The following HSDL1 variants were observed in gnomAD, a reference collection of about 807,000 sequenced individuals.
HSDL1 encodes hydroxysteroid dehydrogenase like 1.
A neutral mutation model predicts 31.5 loss-of-function variants in HSDL1; 29 were observed. The observed-to-expected ratio is 0.92, with a 90% confidence interval of 0.69 to 1.26. The LOEUF is 1.26. Ranked by LOEUF, HSDL1 falls within the 50% of genes most tolerant of loss-of-function variation. The pLI is 0.00. For missense variants in HSDL1, 503 were observed against 416.6 expected (o/e 1.21, Z -1.81); for synonymous variants, 222 against 155.2 (o/e 1.43, Z -3.20).
At chr16:84,128,827 C>T (rs1230239161) in intron 5 of HSDL1, among the ~76,000 whole-genome samples, 1 of 151,970 alleles carries the variant, frequency 6.6e-6, no homozygotes, top group Non-Finnish European at 1.5e-5. Context: ...CCTGCCTCAG[C>T]CTCCCAAGTA....
chr16:84,140,451 G>A (rs951287323), intron 1 of HSDL1, among the ~76,000 whole-genome samples: 2 of 152,060 alleles, frequency 1.3e-5, no homozygotes, highest in African/African-American at 2.4e-5. Context: ...TTTTAGTAGA[G>A]ATGGGGTTTC....
At position 84,122,988 on chromosome 16, in the gene HSDL1, CAT is replaced by C. The variant is rs1194214318; in HGVS notation, c.*1640_*1641del. ...ATATAACTACCTGACCATATTTTCA[CAT>C]GAAGTTGCTGCTGCTTATTATACAT... is the stretch of plus-strand genomic sequence containing the variant. On this transcript the variant is annotated 3_prime_UTR_variant, in exon 6 of 6. Coordinates refer to ENST00000219439, the MANE Select transcript of HSDL1 (RefSeq NM_031463.5). 6.6e-6 allele frequency: 1 copy of C among 152,230 alleles called. No individual in the cohort carries two copies. The highest frequency in any genetic ancestry group is 1.5e-5 in the Non-Finnish European group (1 of 68,048). 9.4% of individuals were successfully genotyped at this position (152,230 alleles called of 1,614,324 possible). A position where few individuals can be genotyped will look rare whatever the true frequency, so the allele number is the denominator to read the frequency against.
Position 84,130,112 on chromosome 16 carries a change from G to A in HSDL1, c.540C>T (p.Ala180=), listed in dbSNP as rs530037380. 25 of 1,614,068 alleles carry A rather than the reference G, an allele frequency of 1.5e-5. No homozygotes were observed. Among genetic ancestry groups the A allele is most frequent in the African/African-American group, 8.0e-5 (6 of 74,998 alleles). ...ACACAACATGGACCATCAAACTAGC[G>A]GCGGCAATGTTCACATTTATGATGT... ...LWDIINVNIA[A]ASLMVHVVLP... The change falls in exon 4 of 6, where the codon GCC becomes GCT. Residue 180 remains alanine, a synonymous_variant. Transcript: ENST00000219439.
chr16:84,124,711 A>C lies in HSDL1; in HGVS notation c.912T>G (p.Tyr304Ter). 2 of 1,613,308 alleles carry C rather than the reference A, an allele frequency of 1.2e-6. No individual in the cohort carries two copies. The highest frequency in any genetic ancestry group is 1.7e-6 in the Non-Finnish European group (2 of 1,179,236). The change falls in exon 6 of 6, where the codon TAT becomes TAG. Residue 304 changes from tyrosine to a stop codon, truncating the protein, a stop_gained. Coordinates refer to ENST00000219439, the MANE Select transcript of HSDL1 (RefSeq NM_031463.5). LOFTEE classifies it high-confidence loss of function. Reference protein sequence around the residue: ...SHSIQFLFAQYMPEWLWVWGA... With the variant: ...SHSIQFLFAQ The stretch of plus-strand genomic sequence containing the variant: ...CCCACACCCAGAGCCATTCAGGCAT[A>C]TACTGTGCAAAAAGAAACTAAAAAT...
chr16:84,134,880 T>C (rs889705888), intron 2 of HSDL1, among the ~76,000 whole-genome samples: 8 of 152,346 alleles, frequency 5.3e-5, no homozygotes, highest in African/African-American at 1.9e-4. Flanking sequence ...ATTAAGCTTA[T>C]TCTTCTAATA....
At chr16:84,127,332 C>T (rs1446990335) in intron 5 of HSDL1, among the ~76,000 whole-genome samples, 1 of 150,586 alleles carries the variant, frequency 6.6e-6, no homozygotes, top group Non-Finnish European at 1.5e-5. Context: ...TCTCATGCCT[C>T]AGACTCCCAG....
chr16:84,136,496 C>T (rs779360724), intron 1 of HSDL1, among the ~76,000 whole-genome samples: 4 of 152,258 alleles, frequency 2.6e-5, no homozygotes, highest in Non-Finnish European at 5.9e-5. Context: ...AGGCAGTCTT[C>T]CTGTCCAGCG....
At chr16:84,133,114 G>A (rs1307610154) in intron 2 of HSDL1, among the ~76,000 whole-genome samples, 1 of 151,692 alleles carries the variant, frequency 6.6e-6, no homozygotes, top group African/African-American at 2.4e-5. Context: ...GTTTTGCAAA[G>A]TAAAAAAGGA....
In HSDL1 at chr16:84,130,258, T is replaced by C; in HGVS notation, c.394A>G (p.Ile132Val). The change falls in exon 4 of 6, where the codon ATC (isoleucine) becomes GTC (valine). Residue 132 changes from isoleucine (I) to valine (V), a missense_variant. Physicochemically the swap from Ile to Val is conservative, Grantham distance 29 (BLOSUM62 3). Transcript: ENST00000219439. ...IVADFSSGRE[I>V]YLPIREALKD... ...AGGGCTTCTCGAATTGGAAGGTAGA[T>C]CTCACGACCGCTGCTGAAGTCCGCA... is the stretch of plus-strand genomic sequence containing the variant. 2 of 1,614,220 alleles carry C rather than the reference T, an allele frequency of 1.2e-6. No individual in the cohort carries two copies. The highest frequency in any genetic ancestry group is 1.7e-6 in the Non-Finnish European group (2 of 1,180,036).
In HSDL1 at chr16:84,129,571, C is replaced by T; in HGVS notation, c.871G>A (p.Gly291Arg). The part of the protein sequence containing the change: ...STLGISKRTT[G>R]YWSHSIQFLF... ...ACCTGAATAGAATGGGACCAATATCCTGTGGTCCTTTTGGAAATCCCAAGA... is the reference window on the plus strand; with the variant it reads ...ACCTGAATAGAATGGGACCAATATCTTGTGGTCCTTTTGGAAATCCCAAGA... Residue 291 changes from glycine (G) to arginine (R), a missense_variant, in exon 5 of 6, where the codon GGA becomes AGA. Physicochemically the swap from Gly to Arg is moderately radical, Grantham distance 125. Coordinates refer to ENST00000219439, the MANE Select transcript of HSDL1 (RefSeq NM_031463.5). 6.2e-7 allele frequency: 1 copy of T among 1,613,264 alleles called. No individual in the cohort carries two copies. Among genetic ancestry groups the T allele is most frequent in the Non-Finnish European group, 8.5e-7 (1 of 1,179,206 alleles).
At position 84,127,209 on chromosome 16, in the gene HSDL1, C is replaced by CTTTTTTTTTTTT. The variant is rs71148881; in HGVS notation, c.894+2327_894+2338dup. Among the ~76,000 whole-genome samples, 155 of 93,370 alleles carry CTTTTTTTTTTTT rather than the reference C, an allele frequency of 1.7e-3. 4 individuals are homozygous for CTTTTTTTTTTTT. The highest frequency in any genetic ancestry group is 2.2e-3 in the Non-Finnish European group (104 of 46,612). The allele number at this position is 93,370 out of a possible 152,430, so 61.3% of individuals were successfully genotyped here. On this transcript the variant is annotated intron_variant, in intron 5 of 5. Coordinates refer to ENST00000219439, the MANE Select transcript of HSDL1 (RefSeq NM_031463.5). ...AACTACTTAAATAAAACTGTTTCTT[C>CTTTTTTTTTTTT]TTTTTTTTTTTTTTTTTTTTTTTTT...
At position 84,130,169 on chromosome 16, in the gene HSDL1, A is replaced by G; in HGVS notation, c.483T>C (p.Tyr161=). The G allele has an allele frequency of 1.9e-6, 3 of 1,614,218 alleles. No homozygotes were observed. The highest frequency in any genetic ancestry group is 2.2e-5 in the South Asian group (2 of 91,082). ...GCTTGTCCTCGGACAGCTGAGTGAA[A>G]TACTGCGGGTAGGGATAAAACACAC... is the stretch of plus-strand genomic sequence containing the variant. The part of the protein sequence containing the change: ...NVGVFYPYPQ[Y]FTQLSEDKLW... The change falls in exon 4 of 6, where the codon TAT becomes TAC. Residue 161 remains tyrosine, a synonymous_variant. Coordinates refer to ENST00000219439, the MANE Select transcript of HSDL1 (RefSeq NM_031463.5).
chr16:84,139,002 T>C (rs2086739236), intron 1 of HSDL1, among the ~76,000 whole-genome samples: 1 of 152,198 alleles, frequency 6.6e-6, no homozygotes, highest in African/African-American at 2.4e-5. Flanking sequence ...GGGAGGAAAG[T>C]CTTGGCTGAA....
In HSDL1 at chr16:84,129,771, T is replaced by C; in HGVS notation, c.671A>G (p.Tyr224Cys). The C allele has an allele frequency of 1.2e-6, 2 of 1,611,782 alleles. No individual in the cohort carries two copies. Among genetic ancestry groups the C allele is most frequent in the Non-Finnish European group, 1.7e-6 (2 of 1,177,904 alleles). Residue 224 changes from tyrosine (Y) to cysteine (C), a missense_variant, in exon 5 of 6, where the codon TAT (tyrosine) becomes TGT (cysteine). Tyr to Cys is a radical substitution (Grantham distance 194). Coordinates refer to ENST00000219439, the MANE Select transcript of HSDL1 (RefSeq NM_031463.5). ...QLAAFSASKA[Y>C]LDHFSRALQY... ...CAAGGCTCTGCTGAAGTGGTCTAAA[T>C]AAGCCTGTTGAGACAGAGGGGAGGA...
In HSDL1 at chr16:84,124,469, C is replaced by T; in HGVS notation, c.*161G>A. On this transcript the variant is annotated 3_prime_UTR_variant, in exon 6 of 6. Transcript: ENST00000219439. ...ATCCACACACCCTTAAGGTTTTTCA[C>T]AGCACTCTGACGGTATTATGTGTGT... 1.8e-6 allele frequency: 1 copy of T among 571,268 alleles called. No individual in the cohort carries two copies. Among genetic ancestry groups the T allele is most frequent in the Non-Finnish European group, 3.2e-6 (1 of 308,470 alleles). The allele number at this position is 571,268 out of a possible 1,614,324, so 35.4% of individuals were successfully genotyped here.
At position 84,124,486 on chromosome 16, in the gene HSDL1, T is replaced by C; in HGVS notation, c.*144A>G. ...GTTTTTCACAGCACTCTGACGGTAT[T>C]ATGTGTGTTTTGCAAATGACGAATC... On this transcript the variant is annotated 3_prime_UTR_variant, in exon 6 of 6. Transcript: ENST00000219439. 1.6e-6 allele frequency: 1 copy of C among 615,796 alleles called. No individual in the cohort carries two copies. Among genetic ancestry groups the C allele is most frequent in the Middle Eastern group, 2.7e-4 (1 of 3,754 alleles). 38.1% of individuals were successfully genotyped at this position (615,796 alleles called of 1,614,324 possible). A position where few individuals can be genotyped will look rare whatever the true frequency, so the allele number is the denominator to read the frequency against.
At chr16:84,137,924 A>G (rs967388720) in intron 1 of HSDL1, among the ~76,000 whole-genome samples, 1 of 152,230 alleles carries the variant, frequency 6.6e-6, no homozygotes, top group Non-Finnish European at 1.5e-5. Flanking sequence ...TTGTGGCTTG[A>G]TTAGCGAAAG....
At chr16:84,126,794 G>A (rs182759480) in intron 5 of HSDL1, among the ~76,000 whole-genome samples, 2 of 152,248 alleles carry the variant, frequency 1.3e-5, no homozygotes, top group East Asian at 3.9e-4. Context: ...AAAGCTATCA[G>A]AGAAATATGC....
intron 1 of HSDL1, among the ~76,000 whole-genome samples, chr16:84,136,480 G>C (rs1348547845): frequency 5.3e-5 from 8 of 152,260 alleles, no homozygotes; most frequent in Non-Finnish European, 1.0e-4. Flanking sequence ...TCTGGCTGCA[G>C]CTCACAGGCA....
Sources: gnomAD v4.1 joint callset for allele counts (sites outside exome capture counted in the v4.1 genomes callset) on GRCh38, gnomAD v4.1.1 for gene constraint, MANE v1.5 for transcripts, NCBI Gene and HGNC (gene_info 2026-07-23, HGNC 2026-07-21) for gene names.